FMNL2: variants seen among roughly 807,000 people sequenced by gnomAD.
The protein encoded by FMNL2 is formin-like protein 2.
A neutral mutation model predicts 130.2 loss-of-function variants in FMNL2; 51 were observed. The ratio of observed to expected loss-of-function variants is 0.39; its 90% CI spans 0.31 to 0.49. The LOEUF (loss-of-function observed/expected upper bound fraction) is 0.49, where lower values mean the gene tolerates loss of function less well. Among genes scored for constraint, FMNL2 ranks in the 20% least tolerant of loss-of-function variants. The probability of loss-of-function intolerance (pLI) is 0.85; values close to 1 mark genes in which losing one functional copy is unlikely to be tolerated. For missense variants in FMNL2, 977 were observed against 1,316.2 expected, an observed-to-expected ratio of 0.74 and a Z score of 3.99; for synonymous variants, 465 against 467.1, an observed-to-expected ratio of 1.00 and a Z score of 0.06.
intron 1 of FMNL2, among the ~76,000 whole-genome samples, chr2:152,425,865 C>G (rs530645815): frequency 2.0e-5 from 3 of 152,194 alleles, no homozygotes; most frequent in Non-Finnish European, 4.4e-5. Context: ...CATCCCATCT[C>G]TCTGGTATGA....
intron 9 of FMNL2, among the ~76,000 whole-genome samples, chr2:152,599,259 A>T (rs1426057065): frequency 2.6e-5 from 4 of 152,170 alleles, no homozygotes; most frequent in Non-Finnish European, 5.9e-5. Flanking sequence ...GAAAGACTCT[A>T]TGTGTCCTTC....
Position 152,603,659 on chromosome 2 carries a change from C to T in FMNL2, c.877-3680C>T, listed in dbSNP as rs151290632. Among the ~76,000 whole-genome samples, 1,163 of 150,816 alleles carry T rather than the reference C, an allele frequency of 7.7e-3. 22 individuals carry two copies. Among genetic ancestry groups the T allele is most frequent in the African/African-American group, 0.026 (1,097 of 41,400 alleles). On this transcript the variant is annotated intron_variant, in intron 9 of 25. Transcript: ENST00000288670. ...TAACAGGCTATGAGTAGTTTGTTGC[C>T]GTCCACATGTGCTTTTCCAGCCATT...
chr2:152,612,185 T>G lies in FMNL2; in HGVS notation c.1062+580T>G, dbSNP rs988665080. On this transcript the variant is annotated intron_variant, in intron 11 of 25. Transcript: ENST00000288670. ...TCCCTTGCAGAAGAGTTTAGCCAGT[T>G]CCCTGAAGTTCTTCAGTTAAGAAAC... 6.6e-5 allele frequency among the ~76,000 whole-genome samples: 10 copies of G among 152,296 alleles called. 1 individual carries two copies. Among genetic ancestry groups the G allele is most frequent in the Admixed American group, 2.0e-4 (3 of 15,296 alleles).
intron 1 of FMNL2, among the ~76,000 whole-genome samples, chr2:152,450,093 A>G (rs910848100): frequency 2.0e-5 from 3 of 152,242 alleles, no homozygotes; most frequent in African/African-American, 7.2e-5. Context: ...AGGAGTTTCA[A>G]TCACTGAGAG....
intron 6 of FMNL2, among the ~76,000 whole-genome samples, chr2:152,567,777 G>T (rs1312303935): frequency 1.3e-5 from 2 of 152,172 alleles, no homozygotes; most frequent in Admixed American, 1.3e-4. Context: ...GTCAGCTTCC[G>T]AGGGAGTTCT....
intron 6 of FMNL2, among the ~76,000 whole-genome samples, chr2:152,567,468 C>T (rs1279772389): frequency 2.6e-5 from 4 of 152,170 alleles, no homozygotes; most frequent in Non-Finnish European, 5.9e-5. Flanking sequence ...GATCCCTCTA[C>T]CTCTCCTTTG....
rs773762197 is a variant in FMNL2, at chr2:152,640,774, C to T, written c.3046-17C>T. The T allele has an allele frequency of 2.5e-6, 4 of 1,610,990 alleles. No homozygotes were observed. In the Admixed American group the frequency reaches 5.0e-5, roughly 20 times the overall value. ...TGGGTGCTGGCCTCACTAATCTCTG[C>T]CCTTCTTTCTTCTCAGTCTCCTTCT... On this transcript the variant is annotated splice_polypyrimidine_tract_variant and intron_variant, in intron 24 of 25. Transcript: ENST00000288670.
chr2:152,541,318 A>G (rs1330934510), intron 2 of FMNL2, among the ~76,000 whole-genome samples: 3 of 152,046 alleles, frequency 2.0e-5, no homozygotes, highest in Non-Finnish European at 4.4e-5. Context: ...CACCACACCC[A>G]GCTAATTTTT....
chr2:152,356,819 C>CTG, intron 1 of FMNL2, among the ~76,000 whole-genome samples: 1 of 151,202 alleles, frequency 6.6e-6, no homozygotes, highest in Non-Finnish European at 1.5e-5. Flanking sequence ...TAACTAAGTG[C>CTG]AGGAAGGCTG....
intron 25 of FMNL2, among the ~76,000 whole-genome samples, 160 bp from the exon 26 acceptor site, chr2:152,647,636 A>ATGTT (rs1399510436): frequency 2.0e-5 from 3 of 152,164 alleles, no homozygotes; most frequent in Non-Finnish European, 4.4e-5. Context: ...TTGAAGGCAA[A>ATGTT]TGTTTTATGT....
At chr2:152,595,571 G>A (rs1558993399) in intron 9 of FMNL2, among the ~76,000 whole-genome samples, 1 of 152,064 alleles carries the variant, frequency 6.6e-6, no homozygotes, top group Non-Finnish European at 1.5e-5. Context: ...TGCCTGCCTT[G>A]GCCTCCCAAA....
At chr2:152,571,346 G>A (rs1436374706) in intron 6 of FMNL2, among the ~76,000 whole-genome samples, 1 of 152,136 alleles carries the variant, frequency 6.6e-6, no homozygotes, top group East Asian at 1.9e-4. Flanking sequence ...TATTACATGG[G>A]ACAGGACTAA....
intron 25 of FMNL2, among the ~76,000 whole-genome samples, chr2:152,642,210 G>A (rs1233727958): frequency 6.6e-6 from 1 of 152,152 alleles, no homozygotes; most frequent in African/African-American, 2.4e-5. Context: ...AAAGTGCTGG[G>A]ATTACAGGCG....
intron 1 of FMNL2, among the ~76,000 whole-genome samples, chr2:152,420,115 AG>A (rs1293898373): frequency 6.6e-6 from 1 of 152,218 alleles, no homozygotes; most frequent in Admixed American, 6.5e-5. Flanking sequence ...TAAAGCAAAA[AG>A]CCTTTGAAAA....
intron 1 of FMNL2, among the ~76,000 whole-genome samples, chr2:152,338,645 C>A (rs1560277603): frequency 7.2e-5 from 11 of 152,012 alleles, no homozygotes. Flanking sequence ...TAGTGACTAG[C>A]AAAAATTGGA....
chr2:152,513,702 A>T (rs1019160658), intron 1 of FMNL2, among the ~76,000 whole-genome samples: 9 of 152,198 alleles, frequency 5.9e-5, no homozygotes, highest in Non-Finnish European at 1.2e-4. Context: ...ATGTCTCATT[A>T]CCACAGTTTC....
intron 1 of FMNL2, among the ~76,000 whole-genome samples, chr2:152,423,372 T>G (rs1330623690): frequency 6.6e-6 from 1 of 152,232 alleles, no homozygotes; most frequent in Admixed American, 6.5e-5. Flanking sequence ...GTAAATAGAT[T>G]GGCCAGTGTC....
At chr2:152,550,755 G>A (rs182396101) in intron 4 of FMNL2, among the ~76,000 whole-genome samples, 93 of 152,276 alleles carry the variant, frequency 6.1e-4, no homozygotes, top group African/African-American at 2.1e-3. Context: ...AGCTAGATTC[G>A]ATTTTGTTTG....
chr2:152,416,841 TAAC>T (rs1285567564), intron 1 of FMNL2, among the ~76,000 whole-genome samples: 6 of 152,206 alleles, frequency 3.9e-5, no homozygotes, highest in African/African-American at 1.4e-4. Context: ...TACAACAACA[TAAC>T]AAACTCTAAC....
Sources: allele counts gnomAD v4.1 joint callset (sites outside exome capture counted in the v4.1 genomes callset), GRCh38; gene constraint gnomAD v4.1.1; transcripts MANE v1.5; gene names NCBI Gene and HGNC (gene_info 2026-07-23, HGNC 2026-07-21).